Variants in NCOA2 observed in about 807,000 individuals in gnomAD.
The protein encoded by NCOA2 is class E basic helix-loop-helix protein 75.
A neutral mutation model predicts 145.1 loss-of-function variants in NCOA2; 21 were observed. That is an observed-to-expected ratio of 0.14 (90% CI 0.10 to 0.21). The LOEUF is 0.21. NCOA2 is among the 10% of genes least tolerant of loss of function. The pLI is 1.00. For missense variants in NCOA2, 1,472 were observed against 1,837.6 expected, an observed-to-expected ratio of 0.80 and a Z score of 3.64; for synonymous variants, 619 against 637.5, an observed-to-expected ratio of 0.97 and a Z score of 0.44.
chr8:70,330,195 A>G lies in NCOA2; in HGVS notation c.-76-33395T>C, dbSNP rs866642690. ...TATGAAGATTATAAAACACTCAATA[A>G]ATGATGATGATGATGATGATAATGA... is the stretch of plus-strand genomic sequence containing the variant. On this transcript the variant is annotated intron_variant, in intron 1 of 22. Transcript: ENST00000452400. 9.5e-5 allele frequency among the ~76,000 whole-genome samples: 13 copies of G among 137,442 alleles called. No homozygotes were observed. In the South Asian group the frequency reaches 1.7e-3, roughly 18 times the overall value. The allele number at this position is 137,442 out of a possible 152,430, so 90.2% of individuals were successfully genotyped here.
intron 1 of NCOA2, among the ~76,000 whole-genome samples, chr8:70,343,485 CTT>C (rs1808326930): frequency 6.6e-6 from 1 of 151,720 alleles, no homozygotes; most frequent in African/African-American, 2.4e-5. Flanking sequence ...TCTAGTATCA[CTT>C]GAAGCTTTCA....
chr8:70,218,335 C>A (rs1304482787), intron 2 of NCOA2, among the ~76,000 whole-genome samples: 4 of 151,724 alleles, frequency 2.6e-5, no homozygotes, highest in Non-Finnish European at 4.4e-5. Flanking sequence ...AAAGCTGATA[C>A]CCAAGCTTCT....
intron 1 of NCOA2, among the ~76,000 whole-genome samples, chr8:70,320,240 TC>T (rs1356385682): frequency 6.6e-6 from 1 of 152,068 alleles, no homozygotes; most frequent in Non-Finnish European, 1.5e-5. Flanking sequence ...TATATCTGGG[TC>T]TGTTAAAAAA....
chr8:70,396,094 A>C (rs1813642470), intron 1 of NCOA2, among the ~76,000 whole-genome samples: 1 of 152,196 alleles, frequency 6.6e-6, no homozygotes, highest in African/African-American at 2.4e-5. Flanking sequence ...GGACTACAAT[A>C]CCTCAACACC....
At chr8:70,319,580 T>G (rs1040345439) in intron 1 of NCOA2, among the ~76,000 whole-genome samples, 11 of 140,196 alleles carry the variant, frequency 7.8e-5, no homozygotes, top group Non-Finnish European at 1.4e-4. Flanking sequence ...AAGCTCTATT[T>G]AGCTGGCTTT....
chr8:70,159,218 A>ATTATATATATATATAT lies in NCOA2; in HGVS notation c.1124+286_1124+287insATATATATATATATAA, dbSNP rs1554578421. Among the ~76,000 whole-genome samples, 112 of 112,976 alleles carry ATTATATATATATATAT rather than the reference A, an allele frequency of 9.9e-4. 2 individuals carry two copies. Among genetic ancestry groups the ATTATATATATATATAT allele is most frequent in the African/African-American group, 4.0e-3 (105 of 26,036 alleles). The allele number at this position is 112,976 out of a possible 152,430, so 74.1% of individuals were successfully genotyped here. A position where few individuals can be genotyped will look rare whatever the true frequency, so the allele number is the denominator to read the frequency against. On this transcript the variant is annotated intron_variant, in intron 10 of 22. Coordinates refer to ENST00000452400, the MANE Select transcript of NCOA2 (RefSeq NM_006540.4). Reference sequence around the variant, plus strand: ...AGTTATAATACAAATAATACAGTATAACATTATATATATATATATATATAT... The same window carrying ATTATATATATATATAT: ...AGTTATAATACAAATAATACAGTATATTATATATATATATATACATTATATATATATATATATATAT...
At chr8:70,257,745 T>C (rs1823757113) in intron 2 of NCOA2, among the ~76,000 whole-genome samples, 1 of 152,050 alleles carries the variant, frequency 6.6e-6, no homozygotes, top group Non-Finnish European at 1.5e-5. Flanking sequence ...CAACTTGGCC[T>C]CTACCAGAAA....
intron 15 of NCOA2, among the ~76,000 whole-genome samples, chr8:70,136,183 G>C (rs1585783542): frequency 1.3e-5 from 2 of 152,136 alleles, no homozygotes; most frequent in Non-Finnish European, 2.9e-5. Flanking sequence ...AGACCAGCCT[G>C]GCCAACACGG....
Position 70,216,767 on chromosome 8 carries a change from A to AAAAC in NCOA2, c.-19-7_-19-4dup. ...TCATCTTGAACACATATCAGCAACTAAAACAGAAAACAGAGAAGAGGAAGA... is the reference window on the plus strand; with the variant it reads ...TCATCTTGAACACATATCAGCAACTAAAACAAACAGAAAACAGAGAAGAGGAAGA... On this transcript the variant is annotated splice_region_variant and splice_polypyrimidine_tract_variant and intron_variant, in intron 2 of 22. Transcript: ENST00000452400. 1.3e-6 allele frequency: 2 copies of AAAAC among 1,525,748 alleles called. No individual in the cohort carries two copies. Among genetic ancestry groups the AAAAC allele is most frequent in the African/African-American group, 2.7e-5 (2 of 72,948 alleles). 94.5% of individuals were successfully genotyped at this position (1,525,748 alleles called of 1,614,324 possible).
At chr8:70,370,539 A>G (rs1033738621) in intron 1 of NCOA2, among the ~76,000 whole-genome samples, 1 of 152,186 alleles carries the variant, frequency 6.6e-6, no homozygotes, top group African/African-American at 2.4e-5. Flanking sequence ...CCATCATTTA[A>G]CTATGACTGT....
chr8:70,283,328 T>C (rs1826018727), intron 2 of NCOA2, among the ~76,000 whole-genome samples: 1 of 152,254 alleles, frequency 6.6e-6, no homozygotes, highest in Non-Finnish European at 1.5e-5. Flanking sequence ...TGTGTATTCG[T>C]AATACCAAAA....
chr8:70,291,935 G>A (rs1463290590), intron 2 of NCOA2, among the ~76,000 whole-genome samples: 1 of 151,886 alleles, frequency 6.6e-6, no homozygotes, highest in East Asian at 2.0e-4. Flanking sequence ...CCGTAGCCGG[G>A]TGCGGTGGCG....
At chr8:70,408,610 G>T (rs1298866179), upstream of NCOA2, among the ~76,000 whole-genome samples, 1 of 152,054 alleles carries the variant, frequency 6.6e-6, no homozygotes, top group Non-Finnish European at 1.5e-5. Flanking sequence ...ACCAGCGTGG[G>T]CAACATAGCA....
chr8:70,239,237 T>C (rs929739651), intron 2 of NCOA2, among the ~76,000 whole-genome samples: 12 of 152,122 alleles, frequency 7.9e-5, no homozygotes, highest in African/African-American at 2.2e-4. Context: ...AAACAGGTCA[T>C]TACAGGAATT....
At chr8:70,365,200 A>G (rs1810579651) in intron 1 of NCOA2, among the ~76,000 whole-genome samples, 1 of 152,054 alleles carries the variant, frequency 6.6e-6, no homozygotes, top group Non-Finnish European at 1.5e-5. Context: ...TGGGCATGGT[A>G]GCACACCTGT....
the NCOA2 span, among the ~76,000 whole-genome samples, chr8:70,441,050 A>G: frequency 3.0e-5 from 1 of 33,150 alleles, no homozygotes; most frequent in African/African-American, 5.7e-5. Context: ...AAGAGAAAGA[A>G]AAGAAAGAGA....
chr8:70,312,327 A>G (rs555336112), intron 1 of NCOA2, among the ~76,000 whole-genome samples: 3 of 152,366 alleles, frequency 2.0e-5, no homozygotes, highest in East Asian at 3.9e-4. Context: ...TGGAACAAGA[A>G]AATCCCAGTG....
intron 2 of NCOA2, among the ~76,000 whole-genome samples, chr8:70,282,513 C>T (rs1208265269): frequency 1.3e-5 from 2 of 152,060 alleles, no homozygotes; most frequent in Non-Finnish European, 2.9e-5. Flanking sequence ...TGGTGAAACC[C>T]CATCTCTACC....
intron 1 of NCOA2, among the ~76,000 whole-genome samples, chr8:70,345,009 C>T (rs1166793832): frequency 2.0e-5 from 3 of 152,144 alleles, no homozygotes; most frequent in African/African-American, 4.8e-5. Flanking sequence ...GTCCAAATTC[C>T]TCAATCACGC....
Sources: gnomAD v4.1 joint callset for allele counts (sites outside exome capture counted in the v4.1 genomes callset) on GRCh38, gnomAD v4.1.1 for gene constraint, MANE v1.5 for transcripts, NCBI Gene and HGNC (gene_info 2026-07-23, HGNC 2026-07-21) for gene names.